The following OSBPL10 variants were observed in gnomAD, a reference collection of about 807,000 sequenced individuals.
The protein encoded by OSBPL10 is oxysterol binding protein like 10, also known as oxysterol-binding protein-related protein 10.
OSBPL10 carries 49 observed loss-of-function variants against 81.7 expected under a neutral mutation model. The ratio of observed to expected loss-of-function variants is 0.60; its 90% CI spans 0.48 to 0.76. The LOEUF is 0.76. Ranked by LOEUF, OSBPL10 falls within the 30% of genes least tolerant of loss-of-function variation. The probability of loss-of-function intolerance (pLI) is 0.00; values close to 1 mark genes in which losing one functional copy is unlikely to be tolerated. For synonymous variants in OSBPL10, 419 were observed against 383.6 expected, an observed-to-expected ratio of 1.09 and a Z score of -1.08; for missense variants, 923 against 987.8, an observed-to-expected ratio of 0.93 and a Z score of 0.88.
chr3:31,761,289 T>C (rs1247186452), intron 4 of OSBPL10, among the ~76,000 whole-genome samples: 1 of 151,386 alleles, frequency 6.6e-6, no homozygotes, highest in Non-Finnish European at 1.5e-5. Flanking sequence ...CAGGCCAACA[T>C]AGTGAAACCC....
chr3:32,053,255 G>GAT (rs376598215), intron 1 of OSBPL10, among the ~76,000 whole-genome samples: 17 of 152,328 alleles, frequency 1.1e-4, no homozygotes, highest in African/African-American at 3.8e-4. Context: ...TTTGGTAAAA[G>GAT]GTTATAAGAA....
chr3:31,759,270 C>G (rs1697967293), intron 4 of OSBPL10, among the ~76,000 whole-genome samples: 1 of 152,244 alleles, frequency 6.6e-6, no homozygotes, highest in Non-Finnish European at 1.5e-5. Context: ...TATCTATACT[C>G]TCTGCCTCCC....
At chr3:32,014,967 C>A (rs956821303) in intron 2 of OSBPL10, among the ~76,000 whole-genome samples, 1 of 152,202 alleles carries the variant, frequency 6.6e-6, no homozygotes, top group East Asian at 1.9e-4. Flanking sequence ...AATGGAAGAA[C>A]ATTTCCTGCT....
chr3:32,068,066 A>G (rs1699793318), intron 1 of OSBPL10, among the ~76,000 whole-genome samples: 1 of 152,182 alleles, frequency 6.6e-6, no homozygotes, highest in African/African-American at 2.4e-5. Flanking sequence ...ACCAATTTCA[A>G]ATCAGGTAAG....
intron 1 of OSBPL10, among the ~76,000 whole-genome samples, chr3:31,922,772 C>T (rs1382391119): frequency 6.6e-6 from 1 of 152,118 alleles, no homozygotes; most frequent in East Asian, 1.9e-4. Context: ...GTTCCCCCGG[C>T]TGGCTTCTTA....
At chr3:31,822,254 A>G (rs1699997872) in intron 4 of OSBPL10, 1 of 152,194 alleles carries the variant, frequency 6.6e-6, no homozygotes, top group Non-Finnish European at 1.5e-5. Context: ...CTGGAAGCAA[A>G]AGTCAACAAT....
At chr3:31,745,304 A>T (rs72859612) in intron 5 of OSBPL10, among the ~76,000 whole-genome samples, 9,819 of 152,254 alleles carry the variant, frequency 0.064, 1,003 homozygotes, top group African/African-American at 0.21. Flanking sequence ...AGAAATACAC[A>T]CTGAAGTATG....
intron 1 of OSBPL10, among the ~76,000 whole-genome samples, chr3:31,900,621 C>T (rs1696209160): frequency 6.6e-6 from 1 of 152,184 alleles, no homozygotes; most frequent in Non-Finnish European, 1.5e-5. Context: ...ATTACTTTGT[C>T]TTTATTCTAG....
chr3:31,881,562 A>G (rs1189648658), intron 1 of OSBPL10, among the ~76,000 whole-genome samples: 1 of 152,212 alleles, frequency 6.6e-6, no homozygotes, highest in East Asian at 1.9e-4. Flanking sequence ...AGAACAGGAA[A>G]AGAGAACAGC....
At chr3:32,056,916 G>T (rs1699717134) in intron 1 of OSBPL10, among the ~76,000 whole-genome samples, 1 of 152,220 alleles carries the variant, frequency 6.6e-6, no homozygotes, top group Non-Finnish European at 1.5e-5. Context: ...AAAACAGGAT[G>T]CAGTAAAGAA....
chr3:31,737,391 C>T (rs978930069), intron 5 of OSBPL10, among the ~76,000 whole-genome samples: 14 of 152,084 alleles, frequency 9.2e-5, no homozygotes, highest in African/African-American at 2.9e-4. Context: ...AAATTTCTAA[C>T]ATAAGGTGTT....
intron 6 of OSBPL10, among the ~76,000 whole-genome samples, chr3:31,711,908 T>C (rs763747577): frequency 3.9e-5 from 6 of 152,156 alleles, no homozygotes; most frequent in Non-Finnish European, 8.8e-5. Context: ...AATGAAAGGA[T>C]ATATGATGCA....
chr3:31,965,844 A>G (rs1698372997), intron 1 of OSBPL10, among the ~76,000 whole-genome samples: 1 of 85,122 alleles, frequency 1.2e-5, no homozygotes, highest in East Asian at 3.7e-4. Flanking sequence ...AATATATATT[A>G]TATAAAAAGA....
intron 1 of OSBPL10, among the ~76,000 whole-genome samples, chr3:31,890,725 A>C (rs1237674208): frequency 1.3e-5 from 2 of 152,198 alleles, no homozygotes; most frequent in Admixed American, 6.5e-5. Context: ...AGGCTTTCAC[A>C]ATATTGCCTC....
At chr3:32,038,144 T>C (rs1156506075) in intron 2 of OSBPL10, among the ~76,000 whole-genome samples, 1 of 151,954 alleles carries the variant, frequency 6.6e-6, no homozygotes, top group Non-Finnish European at 1.5e-5. Context: ...GAAAGAGCCC[T>C]TAGAAAGATG....
intron 1 of OSBPL10, among the ~76,000 whole-genome samples, chr3:31,922,040 CAA>C (rs1295916683): frequency 1.3e-5 from 2 of 152,160 alleles, no homozygotes; most frequent in Non-Finnish European, 2.9e-5. Context: ...TCAAGGTCAT[CAA>C]AAACAACGGA....
chr3:31,806,928 T>A (rs1202451011), intron 4 of OSBPL10, among the ~76,000 whole-genome samples: 1 of 151,322 alleles, frequency 6.6e-6, no homozygotes, highest in Admixed American at 6.6e-5. Flanking sequence ...GAAACAGGGG[T>A]CTGGGAGGGA....
In OSBPL10 at chr3:31,980,845, A is replaced by G. The variant is rs796737433; in HGVS notation, c.281+54T>C. On this transcript the variant is annotated intron_variant, in intron 1 of 11. Coordinates refer to ENST00000396556, the MANE Select transcript of OSBPL10 (RefSeq NM_017784.5). ...GACACACATACACACACGCACGCAC[A>G]CACACACACACACACACAGCGGCGC... is the stretch of plus-strand genomic sequence containing the variant. 8.5e-5 allele frequency: 67 copies of G among 790,616 alleles called. No homozygotes were observed. In the East Asian group the frequency reaches 9.1e-4, roughly 11 times the overall value. The allele number at this position is 790,616 out of a possible 1,614,324, so 49.0% of individuals were successfully genotyped here.
intron 1 of OSBPL10, among the ~76,000 whole-genome samples, chr3:31,888,710 C>G (rs1168256797): frequency 6.6e-6 from 1 of 152,176 alleles, no homozygotes; most frequent in East Asian, 1.9e-4. Flanking sequence ...CACCTGAGGT[C>G]AGGAGTTCAA....
Sources: gnomAD v4.1 joint callset for allele counts (sites outside exome capture counted in the v4.1 genomes callset) on GRCh38, gnomAD v4.1.1 for gene constraint, MANE v1.5 for transcripts, NCBI Gene and HGNC (gene_info 2026-07-23, HGNC 2026-07-21) for gene names.